The following PFKFB1 variants were observed in gnomAD, a reference collection of about 807,000 sequenced individuals.
PFKFB1 encodes 6-phosphofructo-2-kinase/fructose-2,6-biphosphatase 1.
In PFKFB1, 34 loss-of-function variants were observed where a neutral mutation model predicts 46.4. That is an observed-to-expected ratio of 0.73 (90% CI 0.56 to 0.98). PFKFB1 has a LOEUF of 0.98. PFKFB1 is among the 50% of genes least tolerant of loss of function. PFKFB1 has a pLI of 0.00. For synonymous variants in PFKFB1, 119 were observed against 133.8 expected, an observed-to-expected ratio of 0.89 and a Z score of 0.76; for missense variants, 393 against 376.3, an observed-to-expected ratio of 1.04 and a Z score of -0.37.
intron 10 of PFKFB1, among the ~76,000 whole-genome samples, chrX:54,942,144 C>CA (rs1183591362): frequency 1.8e-5 from 2 of 110,705 alleles, no homozygotes; most frequent in East Asian, 2.8e-4. Flanking sequence ...ATCTCAAGGA[C>CA]AAAAAACCAA....
upstream of PFKFB1, among the ~76,000 whole-genome samples, chrX:54,997,789 C>T (rs146126498): frequency 1.7e-3 from 195 of 112,269 alleles, no homozygotes; most frequent in African/African-American, 6.1e-3. Context: ...CCAAACCTCA[C>T]TGAATCCTAG....
chrX:54,952,261 G>A (rs751021512), intron 7 of PFKFB1, 149 bp from the exon 8 acceptor site: 104 of 473,037 alleles, frequency 2.2e-4, no homozygotes, highest in East Asian at 8.8e-4. Context: ...GCCCTGTACC[G>A]AGTACCTGTC....
At chrX:54,938,403 T>G (rs1467661661) in intron 10 of PFKFB1, among the ~76,000 whole-genome samples, 1 of 111,914 alleles carries the variant, frequency 8.9e-6, no homozygotes, top group Non-Finnish European at 1.9e-5. Context: ...AATATTAACC[T>G]TAAATGTAAA....
At chrX:54,944,302 A>G (rs779613669) in intron 10 of PFKFB1, among the ~76,000 whole-genome samples, 8 of 111,755 alleles carry the variant, frequency 7.2e-5, no homozygotes, top group Non-Finnish European at 1.1e-4. Flanking sequence ...AACTTTATCA[A>G]TCCTAAAGAG....
At chrX:54,989,985 T>C (rs1272353902) in intron 1 of PFKFB1, among the ~76,000 whole-genome samples, 2 of 111,297 alleles carry the variant, frequency 1.8e-5, no homozygotes, top group African/African-American at 6.5e-5. Flanking sequence ...ATTCTGAAAA[T>C]TCATATGGCC....
intron 7 of PFKFB1, among the ~76,000 whole-genome samples, chrX:54,955,917 G>A (rs1440268982): frequency 8.9e-6 from 1 of 111,863 alleles, no homozygotes. Flanking sequence ...TGTTCCCAGG[G>A]TCCTGAACTG....
chrX:54,952,988 A>C (rs1934032862), intron 7 of PFKFB1, among the ~76,000 whole-genome samples: 1 of 111,311 alleles, frequency 9.0e-6, no homozygotes, highest in African/African-American at 3.3e-5. Flanking sequence ...GTCATGAACT[A>C]ATACCTATAT....
chrX:54,979,854 G>T (rs1602221316), intron 1 of PFKFB1, among the ~76,000 whole-genome samples: 2 of 111,582 alleles, frequency 1.8e-5, no homozygotes, highest in African/African-American at 6.5e-5. Context: ...AAAAAGACTG[G>T]CCGTCCATTT....
chrX:54,991,294 G>A (rs1935231109), intron 1 of PFKFB1, among the ~76,000 whole-genome samples: 1 of 111,547 alleles, frequency 9.0e-6, no homozygotes, highest in Non-Finnish European at 1.9e-5. Flanking sequence ...AAAAGGTACT[G>A]TTTAAGATAG....
chrX:54,980,644 C>T (rs921606965), intron 1 of PFKFB1, among the ~76,000 whole-genome samples: 1 of 104,994 alleles, frequency 9.5e-6, no homozygotes. Flanking sequence ...ATTTCCTAGC[C>T]CAGTCCTGCA....
Position 54,959,900 on chromosome X carries a change from T to C in PFKFB1, c.318-7A>G, listed in dbSNP as rs749113427. On this transcript the variant is annotated splice_polypyrimidine_tract_variant and splice_region_variant and intron_variant, in intron 3 of 13. Transcript: ENST00000375006. ...GGCTGCCAGGGCGCACTGCCTGAAATAGACCAGGAAAGAAAAAGAGGCAAC... is the reference window on the plus strand; with the variant it reads ...GGCTGCCAGGGCGCACTGCCTGAAACAGACCAGGAAAGAAAAAGAGGCAAC... 9 of 1,182,141 alleles carry C rather than the reference T, an allele frequency of 7.6e-6. No individual in the cohort carries two copies. Among genetic ancestry groups the C allele is most frequent in the South Asian group, 1.8e-5 (1 of 55,259 alleles).
At chrX:54,976,818 C>G (rs997903869) in intron 1 of PFKFB1, among the ~76,000 whole-genome samples, 5 of 111,220 alleles carry the variant, frequency 4.5e-5, no homozygotes, top group Non-Finnish European at 7.6e-5. Flanking sequence ...ATTAAGATAA[C>G]TGTTGATATT....
chrX:54,993,983 T>C lies in PFKFB1; in HGVS notation c.25A>G (p.Thr9Ala). 1 of 1,206,390 alleles carries C rather than the reference T, an allele frequency of 8.3e-7. No individual in the cohort carries two copies. The highest frequency in any genetic ancestry group is 1.1e-6 in the Non-Finnish European group (1 of 892,795). ...CAGATCTTCTGCAACCTGGTTTGGG[T>C]GAGCTCTCCCATCTCTGGAGACATC... MSPEMGEL[T>A]QTRLQKIWIP... Residue 9 changes from threonine to alanine, a missense_variant, in exon 1 of 14, where the codon ACC (threonine) becomes GCC (alanine). By Grantham distance (58) the Thr-to-Ala change is moderately conservative. Transcript: ENST00000375006.
chrX:54,980,706 A>G (rs1057071612), intron 1 of PFKFB1, among the ~76,000 whole-genome samples: 4 of 84,239 alleles, frequency 4.7e-5, no homozygotes, highest in South Asian at 6.0e-4. Flanking sequence ...GAAGAAAAAA[A>G]GCCAACACAC....
intron 10 of PFKFB1, among the ~76,000 whole-genome samples, chrX:54,942,893 G>A (rs1202656647): frequency 9.0e-6 from 1 of 111,174 alleles, no homozygotes; most frequent in African/African-American, 3.3e-5. Context: ...GGAGCATATT[G>A]GATACTACTT....
At chrX:54,972,458 T>C (rs1934701126) in intron 1 of PFKFB1, among the ~76,000 whole-genome samples, 3 of 110,710 alleles carry the variant, frequency 2.7e-5, no homozygotes, top group African/African-American at 9.9e-5. Flanking sequence ...CCATTCAGTA[T>C]GATATTGGCT....
At chrX:54,995,243 C>T (rs959347563), upstream of PFKFB1, among the ~76,000 whole-genome samples, 1 of 111,758 alleles carries the variant, frequency 8.9e-6, no homozygotes, top group African/African-American at 3.3e-5. Flanking sequence ...CCTTCCCACC[C>T]CCAATGAACC....
Position 54,945,506 on chromosome X carries a change from T to C in PFKFB1, c.1031A>G (p.Glu344Gly). The C allele has an allele frequency of 8.3e-7, 1 of 1,198,943 alleles. No individual in the cohort carries two copies. Residue 344 changes from glutamate to glycine, a missense_variant, in exon 10 of 14, where the codon GAA becomes GGA. Glu to Gly is a moderately conservative substitution (Grantham distance 98). Coordinates refer to ENST00000375006, the MANE Select transcript of PFKFB1 (RefSeq NM_002625.4). Reference sequence around the variant, plus strand: ...CAGTGCAAATTCTTCAGGGTAATGTTCCTGGATTTCTTCATAGGTCATCTC... The same window carrying C: ...CAGTGCAAATTCTTCAGGGTAATGTCCCTGGATTTCTTCATAGGTCATCTC... ...CEEMTYEEIQ[E>G]HYPEEFALRD...
intron 7 of PFKFB1, among the ~76,000 whole-genome samples, chrX:54,955,447 CTA>C (rs941003801): frequency 1.8e-5 from 2 of 110,867 alleles, no homozygotes; most frequent in Non-Finnish European, 3.8e-5. Flanking sequence ...CTGCTCTCTC[CTA>C]TCTTTAGTTG....
Sources: allele counts gnomAD v4.1 joint callset (sites outside exome capture counted in the v4.1 genomes callset), GRCh38; gene constraint gnomAD v4.1.1; transcripts MANE v1.5; gene names NCBI Gene and HGNC (gene_info 2026-07-23, HGNC 2026-07-21).